AHNAK: variants seen among roughly 807,000 people sequenced by gnomAD.
AHNAK encodes the protein neuroblast differentiation-associated protein AHNAK.
In AHNAK, 23 loss-of-function variants were observed where a neutral mutation model predicts 37.8. The ratio of observed to expected loss-of-function variants is 0.61; its 90% CI spans 0.44 to 0.86. The LOEUF is 0.86. Ranked by LOEUF, AHNAK falls within the 40% of genes least tolerant of loss-of-function variation. The pLI is 0.00. For missense variants in AHNAK, 7,411 were observed against 7,319.4 expected (o/e 1.01, Z -0.46); for synonymous variants, 2,481 against 2,636.3 (o/e 0.94, Z 1.80).
chr11:62,520,984 T>A lies in AHNAK; in HGVS notation c.13433A>T (p.Asp4478Val), dbSNP rs957086641. The A allele has an allele frequency of 2.5e-6, 4 of 1,614,122 alleles. No individual in the cohort carries two copies. The highest frequency in any genetic ancestry group is 1.1e-5 in the South Asian group (1 of 91,082). Residue 4478 changes from aspartate (D) to valine (V), a missense_variant, in exon 5 of 5, where the codon GAT (aspartate) becomes GTT (valine). Transcript: ENST00000378024. Reference protein sequence around the residue: ...LKGPKVKGDVDVSLPKVESDL... With the variant: ...LKGPKVKGDVVVSLPKVESDL... ...ACTTTCCACCTTAGGTAGTGAAACA[T>A]CCACATCACCCTTCACCTTGGGACC...
intron 5 of AHNAK, among the ~76,000 whole-genome samples, chr11:62,434,556 G>A (rs1938117892): frequency 1.3e-5 from 2 of 152,094 alleles, no homozygotes; most frequent in Admixed American, 1.3e-4. Flanking sequence ...CCTCCCACGT[G>A]GGCCTGCATG....
intron 4 of AHNAK, among the ~76,000 whole-genome samples, chr11:62,500,865 GT>G (rs1025120230): frequency 2.0e-5 from 3 of 152,160 alleles, no homozygotes; most frequent in Non-Finnish European, 2.9e-5. Context: ...TCACTATCAA[GT>G]TTTTTCCCCC....
intron 4 of AHNAK, 29 bp downstream of exon 4, chr11:62,534,974 G>C (rs762652803): frequency 6.3e-7 from 1 of 1,589,708 alleles, no homozygotes; most frequent in South Asian, 1.1e-5. Context: ...GGGGAGCTCA[G>C]GGCACAGATG....
rs146716934 is a variant in AHNAK, at chr11:62,526,978, C to T, written c.7439G>A (p.Gly2480Asp). The T allele has an allele frequency of 1.3e-5, 21 of 1,613,986 alleles. No individual in the cohort carries two copies. In the Middle Eastern group the frequency reaches 5.0e-4, roughly 38 times the overall value. The change falls in exon 5 of 5, where the codon GGT becomes GAT. Residue 2480 changes from glycine to aspartate, a missense_variant. Coordinates refer to ENST00000378024, the MANE Select transcript of AHNAK (RefSeq NM_001620.3). Reference protein sequence around the residue: ...DVDVSVPEVEGKLEVPDMNIR... With the variant: ...DVDVSVPEVEDKLEVPDMNIR... Reference sequence around the variant, plus strand: ...GTTCATATCTGGTACTTCAAGTTTACCTTCTACCTCAGGCACAGACACATC... The same window carrying T: ...GTTCATATCTGGTACTTCAAGTTTATCTTCTACCTCAGGCACAGACACATC...
At chr11:62,535,796 C>G in intron 3 of AHNAK, 149 bp downstream of exon 3, 1 of 1,067,582 alleles carries the variant, frequency 9.4e-7, no homozygotes, top group South Asian at 1.7e-5. Flanking sequence ...CAAGGGAGGG[C>G]AGGGCTTGGG....
chr11:62,541,916 T>G (rs1941137635), intron 1 of AHNAK: 1 of 152,060 alleles, frequency 6.6e-6, no homozygotes, highest in Non-Finnish European at 1.5e-5. Flanking sequence ...CCAGGCTTGT[T>G]TAGGAAAAAA....
Position 62,519,916 on chromosome 11 carries a change from C to T in AHNAK, c.14501G>A (p.Gly4834Asp), listed in dbSNP as rs894690872. Residue 4834 changes from glycine (G) to aspartate (D), a missense_variant, in exon 5 of 5, where the codon GGC becomes GAC. Coordinates refer to ENST00000378024, the MANE Select transcript of AHNAK (RefSeq NM_001620.3). ...TATTTCAGGCATCTTGAACTTGGGG[C>T]CCTTCAGTTTTGCGTCTGGACCTTC... The part of the protein sequence containing the change: ...NIEGPDAKLK[G>D]PKFKMPEINI... The T allele has an allele frequency of 4.3e-6, 7 of 1,613,708 alleles. No homozygotes were observed. The highest frequency in any genetic ancestry group is 3.3e-5 in the Admixed American group (2 of 59,964).
In AHNAK at chr11:62,528,195, C is replaced by A; in HGVS notation, c.6222G>T (p.Lys2074Asn). 3 of 1,614,046 alleles carry A rather than the reference C, an allele frequency of 1.9e-6. No individual in the cohort carries two copies. Among genetic ancestry groups the A allele is most frequent in the Non-Finnish European group, 2.5e-6 (3 of 1,180,032 alleles). The change falls in exon 5 of 5, where the codon AAG (lysine) becomes AAT (asparagine). Residue 2074 changes from lysine to asparagine, a missense_variant. Physicochemically the swap from Lys to Asn is moderately conservative, Grantham distance 94 (BLOSUM62 0). Coordinates refer to ENST00000378024, the MANE Select transcript of AHNAK (RefSeq NM_001620.3). Reference sequence around the variant, plus strand: ...TGGGTCCTGAGACAACAACATCAGCCTTGGGCAAGTTCACATCCACTTCTG... The same window carrying A: ...TGGGTCCTGAGACAACAACATCAGCATTGGGCAAGTTCACATCCACTTCTG... ...EGPEVDVNLP[K>N]ADVVVSGPKV...
At chr11:62,452,801 G>A (rs1938569973) in intron 5 of AHNAK, among the ~76,000 whole-genome samples, 1 of 152,094 alleles carries the variant, frequency 6.6e-6, no homozygotes, top group South Asian at 2.1e-4. Flanking sequence ...AAGGCGGGCA[G>A]ATCACTTGAG....
intron 5 of AHNAK, among the ~76,000 whole-genome samples, chr11:62,482,319 G>A (rs1403472842): frequency 6.6e-6 from 1 of 152,088 alleles, no homozygotes. Context: ...GGAAGCTGAG[G>A]CAGGAGAATC....
chr11:62,514,354 G>T (rs2134185372), downstream of AHNAK, among the ~76,000 whole-genome samples: 1 of 152,326 alleles, frequency 6.6e-6, no homozygotes, highest in Admixed American at 6.5e-5. Flanking sequence ...GCTGTGGTTG[G>T]TTGAGTGAAA....
chr11:62,504,739 C>T (rs181749502), intron 4 of AHNAK, among the ~76,000 whole-genome samples: 5 of 152,218 alleles, frequency 3.3e-5, no homozygotes, highest in Admixed American at 3.3e-4. Context: ...AAAACTCCTC[C>T]ACATAGGGGT....
intron 5 of AHNAK, among the ~76,000 whole-genome samples, chr11:62,466,148 C>T (rs530222999): frequency 4.6e-5 from 7 of 152,098 alleles, no homozygotes; most frequent in East Asian, 1.9e-4. Context: ...GGCGAAATCC[C>T]GTCTCTACTA....
rs754447622 is a variant in AHNAK at position 62,519,965 on chromosome 11, C to T, written c.14452G>A (p.Val4818Ile). 7.0e-5 allele frequency: 113 copies of T among 1,612,920 alleles called. No homozygotes were observed. Among genetic ancestry groups the T allele is most frequent in the Non-Finnish European group, 8.8e-5 (104 of 1,179,792 alleles). Residue 4818 changes from valine to isoleucine, a missense_variant, in exon 5 of 5, where the codon GTT becomes ATT. Coordinates refer to ENST00000378024, the MANE Select transcript of AHNAK (RefSeq NM_001620.3). ...DIDVSGPKVD[V>I]DIPDVNIEGP... ...TCGATATTCACATCTGGAATATCAA[C>T]GTCCACCTTGGGTCCCGAGACATCG...
At chr11:62,472,738 A>G (rs56757953) in intron 5 of AHNAK, among the ~76,000 whole-genome samples, 13,519 of 152,130 alleles carry the variant, frequency 0.089, 2,010 homozygotes, top group African/African-American at 0.31. Context: ...AGACACAAAA[A>G]GACAAATGCT....
In AHNAK at chr11:62,527,281, A is replaced by G. The variant is rs148222967; in HGVS notation, c.7136T>C (p.Met2379Thr). 19 of 1,613,790 alleles carry G rather than the reference A, an allele frequency of 1.2e-5. No homozygotes were observed. Among genetic ancestry groups the G allele is most frequent in the East Asian group, 2.2e-5 (1 of 44,876 alleles). ...AGAGATTTTGGGAGCTTTAAAGTGCATATCTGGCATCTTGAACTTAGGAGT... is the reference window on the plus strand; with the variant it reads ...AGAGATTTTGGGAGCTTTAAAGTGCGTATCTGGCATCTTGAACTTAGGAGT... ...WKTPKFKMPDMHFKAPKISMP... is the reference protein window; with the variant it reads ...WKTPKFKMPDTHFKAPKISMP... The change falls in exon 5 of 5, where the codon ATG becomes ACG. Residue 2379 changes from methionine to threonine, a missense_variant. Coordinates refer to ENST00000378024, the MANE Select transcript of AHNAK (RefSeq NM_001620.3).
In AHNAK at chr11:62,528,852, G is replaced by T; in HGVS notation, c.5565C>A (p.Ile1855=). The part of the protein sequence containing the change: ...MPEMHFKAPK[I]SMPDVDLHLK... ...GGTGTAAGTCCACATCAGGCATGGAGATCTTGGGGGCCTTGAAGTGCATCT... is the reference window on the plus strand; with the variant it reads ...GGTGTAAGTCCACATCAGGCATGGATATCTTGGGGGCCTTGAAGTGCATCT... The change falls in exon 5 of 5, where the codon ATC becomes ATA. Residue 1855 remains isoleucine (I), a synonymous_variant. Coordinates refer to ENST00000378024, the MANE Select transcript of AHNAK (RefSeq NM_001620.3). 6.2e-7 allele frequency: 1 copy of T among 1,613,392 alleles called. No individual in the cohort carries two copies. The highest frequency in any genetic ancestry group is 8.5e-7 in the Non-Finnish European group (1 of 1,179,830).
Position 62,521,881 on chromosome 11 carries a change from A to G in AHNAK, c.12536T>C (p.Val4179Ala). 1 of 1,612,086 alleles carries G rather than the reference A, an allele frequency of 6.2e-7. No individual in the cohort carries two copies. Among genetic ancestry groups the G allele is most frequent in the East Asian group, 2.2e-5 (1 of 44,754 alleles). The part of the protein sequence containing the change: ...KVDIDVPDVD[V>A]QGPDWHLKMP... ...TTTTAAGTGCCAGTCTGGGCCTTGA[A>G]CGTCCACATCTGGGACATCAATGTC... is the stretch of plus-strand genomic sequence containing the variant. Residue 4179 changes from valine to alanine, a missense_variant, in exon 5 of 5, where the codon GTT becomes GCT. By Grantham distance (64) the Val-to-Ala change is moderately conservative. Transcript: ENST00000378024.
Position 62,523,356 on chromosome 11 carries a change from A to G in AHNAK, c.11061T>C (p.Gly3687=). The change falls in exon 5 of 5, where the codon GGT becomes GGC. Residue 3687 remains glycine, a synonymous_variant. Coordinates refer to ENST00000378024, the MANE Select transcript of AHNAK (RefSeq NM_001620.3). ...DLNLKGPKMK[G]DVVVSLPKVE... ...CTTTGGGCAAAGACACAACCACATC[A>G]CCCTTCATTTTGGGTCCCTTCAAGT... The G allele has an allele frequency of 6.2e-7, 1 of 1,612,314 alleles. No individual in the cohort carries two copies. Among genetic ancestry groups the G allele is most frequent in the Non-Finnish European group, 8.5e-7 (1 of 1,179,426 alleles).
Sources: allele counts gnomAD v4.1 joint callset (sites outside exome capture counted in the v4.1 genomes callset), GRCh38; gene constraint gnomAD v4.1.1; transcripts MANE v1.5; gene names NCBI Gene and HGNC (gene_info 2026-07-23, HGNC 2026-07-21).